The following TRIM38 variants were observed in gnomAD, a reference collection of about 807,000 sequenced individuals.
TRIM38 encodes tripartite motif containing 38.
A neutral mutation model predicts 35.8 loss-of-function variants in TRIM38; 35 were observed. That is an observed-to-expected ratio of 0.98 (90% confidence interval 0.75 to 1.30). The LOEUF (loss-of-function observed/expected upper bound fraction) is 1.30, where lower values mean the gene tolerates loss of function less well. TRIM38 is among the 50% of genes most tolerant of loss of function. The pLI, the probability that TRIM38 is intolerant of heterozygous loss-of-function variation, is 0.00. For synonymous variants in TRIM38, 198 were observed against 204.7 expected, an observed-to-expected ratio of 0.97 and a Z score of 0.28; for missense variants, 545 against 556.9, an observed-to-expected ratio of 0.98 and a Z score of 0.21.
At position 25,983,261 on chromosome 6, in the gene TRIM38, C is replaced by G. The variant is rs200838161; in HGVS notation, c.972C>G (p.Asp324Glu). Residue 324 changes from aspartate (D) to glutamate (E), a missense_variant, in exon 8 of 8, where the codon GAC (aspartate) becomes GAG (glutamate). Physicochemically the swap from Asp to Glu is conservative, Grantham distance 45. Coordinates refer to ENST00000357085, the MANE Select transcript of TRIM38 (RefSeq NM_006355.5). ...VTRGYTQENQDTSSRRFTAFP... is the reference protein window; with the variant it reads ...VTRGYTQENQETSSRRFTAFP... Reference sequence around the variant, plus strand: ...GTGGATACACCCAGGAGAATCAGGACACATCTTCCAGGAGATTTACTGCCT... The same window carrying G: ...GTGGATACACCCAGGAGAATCAGGAGACATCTTCCAGGAGATTTACTGCCT... The G allele has an allele frequency of 1.2e-5, 20 of 1,614,028 alleles. No homozygotes were observed. Among genetic ancestry groups the G allele is most frequent in the Non-Finnish European group, 1.7e-5 (20 of 1,180,024 alleles).
rs1760694221 is a variant in TRIM38, at chr6:25,985,868, T to C, written c.*2181T>C. ...AGGAAATTCTATATCCCTAAGCACT[T>C]AGATTGCTGAATAAGAAAGAATGAT... On this transcript the variant is annotated 3_prime_UTR_variant, in exon 8 of 8. Transcript: ENST00000357085. 1 of 152,202 alleles carries C rather than the reference T, an allele frequency of 6.6e-6. No homozygotes were observed. The highest frequency in any genetic ancestry group is 1.5e-5 in the Non-Finnish European group (1 of 68,036). The allele number at this position is 152,202 out of a possible 1,614,324, so 9.4% of individuals were successfully genotyped here. A position where few individuals can be genotyped will look rare whatever the true frequency, so the allele number is the denominator to read the frequency against.
chr6:25,963,501 C>T (rs988743112), intron 2 of TRIM38, among the ~76,000 whole-genome samples: 3 of 152,078 alleles, frequency 2.0e-5, no homozygotes, highest in Non-Finnish European at 2.9e-5. Context: ...CCCCCATCTT[C>T]TTTCTGCCTT....
At chr6:25,973,014 G>A (rs762597398) in intron 5 of TRIM38, 40 bp from the exon 6 acceptor site, 21 of 1,613,696 alleles carry the variant, frequency 1.3e-5, no homozygotes, top group East Asian at 2.2e-5. Context: ...ATGAAATACC[G>A]ATGTTCCCAT....
chr6:25,975,720 A>G (rs1760372126), intron 7 of TRIM38: 1 of 967,898 alleles, frequency 1.0e-6, no homozygotes, highest in East Asian at 1.1e-4. Flanking sequence ...CAAACGTAAC[A>G]TATATACACT....
In TRIM38 at chr6:25,991,165, C is replaced by CT. The variant is rs1259533918; in HGVS notation, c.*7479dup. 4 of 152,186 alleles carry CT rather than the reference C, an allele frequency of 2.6e-5. No homozygotes were observed. The highest frequency in any genetic ancestry group is 2.6e-4 in the Admixed American group (4 of 15,276). The allele number at this position is 152,186 out of a possible 1,614,324, so 9.4% of individuals were successfully genotyped here. On this transcript the variant is annotated 3_prime_UTR_variant, in exon 8 of 8. Transcript: ENST00000357085. ...GACTATTTTTTACATCTTGATGTCA[C>CT]TCCTGAGCACTTGCTTTAATGTGTT...
chr6:25,973,080 A>G lies in TRIM38; in HGVS notation c.761+4A>G. On this transcript the variant is annotated splice_donor_region_variant and intron_variant, in intron 6 of 7. Transcript: ENST00000357085. ...ATGTGAATGACACTTTGAGCAGGTA[A>G]GTCCTGTTTGAATGCAGGAGGGGAG... The G allele has an allele frequency of 1.9e-6, 3 of 1,614,156 alleles. No homozygotes were observed. The highest frequency in any genetic ancestry group is 2.5e-6 in the Non-Finnish European group (3 of 1,180,026).
Position 25,966,838 on chromosome 6 carries a change from G to A in TRIM38, c.316G>A (p.Asp106Asn), listed in dbSNP as rs761564484. 45 of 1,614,082 alleles carry A rather than the reference G, an allele frequency of 2.8e-5. No homozygotes were observed. In the Middle Eastern group the frequency reaches 8.2e-4, roughly 29 times the overall value. The change falls in exon 3 of 8, where the codon GAC becomes AAC. Residue 106 changes from aspartate to asparagine, a missense_variant. Coordinates refer to ENST00000357085, the MANE Select transcript of TRIM38 (RefSeq NM_006355.5). Reference protein sequence around the residue: ...HGEQFHLFCEDEGQLICWRCE... With the variant: ...HGEQFHLFCENEGQLICWRCE... ...AGAGCAGTTCCACCTGTTCTGCGAA[G>A]ACGAGGGGCAGCTCATCTGCTGGCG...
intron 7 of TRIM38, 89 bp downstream of exon 7, chr6:25,973,374 C>T: frequency 2.0e-6 from 3 of 1,529,788 alleles, no homozygotes; most frequent in South Asian, 2.4e-5. Context: ...GGCAGGCTCA[C>T]AGCCAGAGAG....
chr6:25,983,559 TC>T lies in TRIM38; in HGVS notation c.1272del (p.Tyr426IlefsTer50), dbSNP rs1161695966. The T allele has an allele frequency of 1.9e-6, 3 of 1,614,086 alleles. No homozygotes were observed. The East Asian group carries it at 6.7e-5, about 36-fold the overall frequency. On this transcript the variant is annotated frameshift_variant, in exon 8 of 8. Transcript: ENST00000357085. LOFTEE classifies it low-confidence loss of function (END_TRUNC). ...TCTGGACTATGAGGCCGGAGTTGTATCCTTTTATAACGGGAATACTGGCTGC... is the reference window on the plus strand; with the variant it reads ...TCTGGACTATGAGGCCGGAGTTGTATCTTTTATAACGGGAATACTGGCTGC... Reference protein sequence around the residue: ...IFLDYEAGVVSFYNGNTGCHI... With the variant: ...IFLDYEAGVVXFYNGNTGCHI...
At chr6:25,975,802 A>ATCCC in intron 7 of TRIM38, 1 of 679,764 alleles carries the variant, frequency 1.5e-6, no homozygotes. Context: ...ATGTAACCAT[A>ATCCC]TCCCTACTGA....
Position 25,963,100 on chromosome 6 carries a change from A to T in TRIM38, c.-371A>T, listed in dbSNP as rs1274266416. 1 of 152,368 alleles carries T rather than the reference A, an allele frequency of 6.6e-6. No homozygotes were observed. The highest frequency in any genetic ancestry group is 1.5e-5 in the Non-Finnish European group (1 of 68,158). 9.4% of individuals were successfully genotyped at this position (152,368 alleles called of 1,614,324 possible). A position where few individuals can be genotyped will look rare whatever the true frequency, so the allele number is the denominator to read the frequency against. On this transcript the variant is annotated 5_prime_UTR_variant, in exon 2 of 8. Coordinates refer to ENST00000357085, the MANE Select transcript of TRIM38 (RefSeq NM_006355.5). ...AGAACTTAGATGAGTGGGGCCCAGGACAGGAACCCTGGAGCCTTGGAAGGA... is the reference window on the plus strand; with the variant it reads ...AGAACTTAGATGAGTGGGGCCCAGGTCAGGAACCCTGGAGCCTTGGAAGGA...
chr6:25,975,053 G>C, intron 7 of TRIM38: 8 of 866,814 alleles, frequency 9.2e-6, no homozygotes, highest in Non-Finnish European at 1.1e-5. Context: ...TTTTTTTTGA[G>C]ACAGAGTCTC....
At chr6:25,967,923 T>A (rs2113583980) in intron 3 of TRIM38, among the ~76,000 whole-genome samples, 1 of 152,274 alleles carries the variant, frequency 6.6e-6, no homozygotes, top group Non-Finnish European at 1.5e-5. Context: ...TAAGCACGAT[T>A]CAGGAAGAAG....
Position 25,990,668 on chromosome 6 carries a change from C to T in TRIM38, c.*6981C>T, listed in dbSNP as rs973666754. On this transcript the variant is annotated 3_prime_UTR_variant, in exon 8 of 8. Transcript: ENST00000357085. The stretch of plus-strand genomic sequence containing the variant: ...AAATATTAACAATTAGATTTAATTA[C>T]TGATAAATATTAAATGTTAAATAGG... 2 of 150,948 alleles carry T rather than the reference C, an allele frequency of 1.3e-5. No homozygotes were observed. Among genetic ancestry groups the T allele is most frequent in the Non-Finnish European group, 3.0e-5 (2 of 67,614 alleles). 9.4% of individuals were successfully genotyped at this position (150,948 alleles called of 1,614,324 possible).
At chr6:25,967,131 G>A (rs1160987100) in intron 3 of TRIM38, among the ~76,000 whole-genome samples, 198 bp downstream of exon 3, 1 of 152,156 alleles carries the variant, frequency 6.6e-6, no homozygotes, top group Non-Finnish European at 1.5e-5. Context: ...TGGGATGGTT[G>A]GACTCTTATC....
intron 7 of TRIM38, among the ~76,000 whole-genome samples, chr6:25,982,192 T>C (rs186387462): frequency 2.3e-4 from 35 of 152,302 alleles, no homozygotes; most frequent in African/African-American, 7.7e-4. Flanking sequence ...AAACCCCTCA[T>C]AGCCTCTGGA....
chr6:25,972,906 T>A, intron 5 of TRIM38, 148 bp from the exon 6 acceptor site: 2 of 963,612 alleles, frequency 2.1e-6, no homozygotes, highest in Non-Finnish European at 3.1e-6. Context: ...GGGAATTACT[T>A]TGTTTGAGTA....
rs200985353 is a variant in TRIM38, at chr6:25,983,628, C to G, written c.1339C>G (p.Arg447Gly). 10 of 1,613,168 alleles carry G rather than the reference C, an allele frequency of 6.2e-6. No homozygotes were observed. The East Asian group carries it at 2.2e-4, about 36-fold the overall frequency. The change falls in exon 8 of 8, where the codon CGG becomes GGG. Residue 447 changes from arginine to glycine, a missense_variant. Arg to Gly is a moderately radical substitution (Grantham distance 125). Coordinates refer to ENST00000357085, the MANE Select transcript of TRIM38 (RefSeq NM_006355.5). ...GAAGGCTTCCTTCTCTGATACTCTC[C>G]GGCCCTATTTCCAGGTTTATCAATA... ...FPKASFSDTL[R>G]PYFQVYQYSP...
Position 25,966,445 on chromosome 6 carries a change from T to C in TRIM38, c.-78T>C. On this transcript the variant is annotated 5_prime_UTR_variant, in exon 3 of 8. Coordinates refer to ENST00000357085, the MANE Select transcript of TRIM38 (RefSeq NM_006355.5). The stretch of plus-strand genomic sequence containing the variant: ...ATCACATAGAGGTGCAGGTGAGGTG[T>C]ATTTTCATCACGGTGGAAAATTCTG... The C allele has an allele frequency of 6.9e-7, 1 of 1,447,250 alleles. No individual in the cohort carries two copies. Among genetic ancestry groups the C allele is most frequent in the South Asian group, 1.4e-5 (1 of 70,982 alleles). 89.7% of individuals were successfully genotyped at this position (1,447,250 alleles called of 1,614,324 possible). A position where few individuals can be genotyped will look rare whatever the true frequency, so the allele number is the denominator to read the frequency against.
Sources: gnomAD v4.1 joint callset for allele counts (sites outside exome capture counted in the v4.1 genomes callset) on GRCh38, gnomAD v4.1.1 for gene constraint, MANE v1.5 for transcripts, NCBI Gene and HGNC (gene_info 2026-07-23, HGNC 2026-07-21) for gene names.